Variants in PCDHGC3 observed in about 807,000 individuals in gnomAD.
PCDHGC3 encodes the protein protocadherin gamma-C3.
PCDHGC3 carries 26 observed loss-of-function variants against 59.2 expected under a neutral mutation model. That is an observed-to-expected ratio of 0.44 (90% CI 0.32 to 0.61). PCDHGC3 has a LOEUF of 0.61. Ranked by LOEUF, PCDHGC3 falls within the 20% of genes least tolerant of loss-of-function variation. The pLI is 0.05. For missense variants in PCDHGC3, 1,080 were observed against 1,221.8 expected, an observed-to-expected ratio of 0.88 and a Z score of 1.73; for synonymous variants, 487 against 519.7, an observed-to-expected ratio of 0.94 and a Z score of 0.86.
rs770468191 is a variant in PCDHGC3, at chr5:141,478,296, A to G, written c.2180A>G (p.Tyr727Cys). Residue 727 changes from tyrosine to cysteine, a missense_variant, in exon 1 of 4, where the codon TAC becomes TGC. By Grantham distance (194) the Tyr-to-Cys change is radical. Coordinates refer to ENST00000308177, the MANE Select transcript of PCDHGC3 (RefSeq NM_002588.4). ...VYKWKQSRDLYRAPVSSLYRT... is the reference protein window; with the variant it reads ...VYKWKQSRDLCRAPVSSLYRT... ...AAGTGGAAGCAGTCTAGAGACCTAT[A>G]CCGAGCCCCGGTGAGCTCACTGTAC... is the stretch of plus-strand genomic sequence containing the variant. The G allele has an allele frequency of 9.3e-6, 15 of 1,613,962 alleles. No individual in the cohort carries two copies. Among genetic ancestry groups the G allele is most frequent in the African/African-American group, 6.7e-5 (5 of 74,930 alleles).
Position 141,476,292 on chromosome 5 carries a change from G to A in PCDHGC3, c.176G>A (p.Gly59Asp). The A allele has an allele frequency of 1.9e-6, 3 of 1,614,144 alleles. No homozygotes were observed. The highest frequency in any genetic ancestry group is 2.5e-6 in the Non-Finnish European group (3 of 1,180,016). Residue 59 changes from glycine (G) to aspartate (D), a missense_variant, in exon 1 of 4, where the codon GGT (glycine) becomes GAT (aspartate). Gly to Asp is a moderately conservative substitution (Grantham distance 94, BLOSUM62 -1). Transcript: ENST00000308177. This position sits in a 1 kb window ranked among gnomAD's most constrained non-coding sequence, Gnocchi z 7.6. ...NVVANLGLDL[G>D]SLSARRFRVV... ...GTCGCGAACCTTGGTTTGGATCTCGGTAGCCTCTCAGCCCGCAGGTTCCGG... is the reference window on the plus strand; with the variant it reads ...GTCGCGAACCTTGGTTTGGATCTCGATAGCCTCTCAGCCCGCAGGTTCCGG...
At chr5:141,481,193 A>AT (rs1437708630) in intron 1 of PCDHGC3, among the ~76,000 whole-genome samples, 4 of 152,216 alleles carry the variant, frequency 2.6e-5, no homozygotes, top group African/African-American at 7.2e-5. Context: ...GCCAGGCCCA[A>AT]TTTTTTTAAA....
intron 2 of PCDHGC3, among the ~76,000 whole-genome samples, chr5:141,495,250 A>G (rs557893500): frequency 6.6e-6 from 1 of 152,188 alleles, no homozygotes; most frequent in Non-Finnish European, 1.5e-5. Context: ...CCTGGGGCTC[A>G]GGCAGAAAAG....
rs532675537 is a variant in PCDHGC3, at chr5:141,508,584, T to C, written c.2579-2363T>C. Among the ~76,000 whole-genome samples, 87 of 152,266 alleles carry C rather than the reference T, an allele frequency of 5.7e-4. 1 individual carries two copies. Among genetic ancestry groups the C allele is most frequent in the African/African-American group, 1.6e-3 (66 of 41,552 alleles). On this transcript the variant is annotated intron_variant, in intron 3 of 3. Coordinates refer to ENST00000308177, the MANE Select transcript of PCDHGC3 (RefSeq NM_002588.4). The stretch of plus-strand genomic sequence containing the variant: ...TGTCACTTGCACCCACTCGGGGTGC[T>C]ACTCAGAGATCTTGGGTGCACATAG...
intron 2 of PCDHGC3, among the ~76,000 whole-genome samples, chr5:141,500,815 A>G (rs2099802742): frequency 6.6e-6 from 1 of 152,196 alleles, no homozygotes; most frequent in African/African-American, 2.4e-5. Context: ...ATGAATATAC[A>G]TATTATTTTT....
At chr5:141,506,188 C>T (rs925159785) in intron 3 of PCDHGC3, among the ~76,000 whole-genome samples, 2 of 152,058 alleles carry the variant, frequency 1.3e-5, no homozygotes, top group African/African-American at 4.8e-5. Flanking sequence ...TGGTGGCTCA[C>T]GCCTGTAATC....
rs994726301 is a variant in PCDHGC3, at chr5:141,476,632, T to C, written c.516T>C (p.Tyr172=). ...TGGGAAGCAACTCTTTACAAACCTA[T>C]GAGCTGAGCCGAAATGAATACTTTG... The part of the protein sequence containing the change: ...PDVGSNSLQT[Y]ELSRNEYFAL... Residue 172 remains tyrosine, a synonymous_variant, in exon 1 of 4, where the codon TAT becomes TAC. Transcript: ENST00000308177. The surrounding 1 kb of genome is among the most constrained non-coding windows in gnomAD (Gnocchi z 7.6). The C allele has an allele frequency of 8.7e-6, 14 of 1,614,098 alleles. No homozygotes were observed. Among genetic ancestry groups the C allele is most frequent in the Admixed American group, 1.7e-5 (1 of 60,016 alleles).
In PCDHGC3 at chr5:141,478,434, T is replaced by C. The variant is rs747890986; in HGVS notation, c.2318T>C (p.Leu773Pro). 1.2e-6 allele frequency: 2 copies of C among 1,613,700 alleles called. No homozygotes were observed. The highest frequency in any genetic ancestry group is 2.2e-5 in the East Asian group (1 of 44,880). The change falls in exon 1 of 4, where the codon CTG (leucine) becomes CCG (proline). Residue 773 changes from leucine to proline, a missense_variant. Transcript: ENST00000308177. The part of the protein sequence containing the change: ...TTDSRRSDPL[L>P]KKPGAASPLA... ...GACTCCCGCCGCAGCGACCCGCTGC[T>C]GAAGAAACCTGGTGCAGCCAGTCCA...
chr5:141,492,285 A>T (rs2099739112), intron 1 of PCDHGC3, among the ~76,000 whole-genome samples: 1 of 152,132 alleles, frequency 6.6e-6, no homozygotes, highest in African/African-American at 2.4e-5. Flanking sequence ...CGCCCCGCCA[A>T]CACGTGCGCG....
In PCDHGC3 at chr5:141,477,868, C is replaced by A; in HGVS notation, c.1752C>A (p.Thr584=). The A allele has an allele frequency of 6.2e-7, 1 of 1,613,750 alleles. No homozygotes were observed. Among genetic ancestry groups the A allele is most frequent in the Non-Finnish European group, 8.5e-7 (1 of 1,179,908 alleles). ...GSSVEMLPRG[T]SAGHLVSRVV... ...CGGTGGAGATGCTGCCTCGAGGTAC[C>A]TCAGCTGGCCACCTAGTGTCACGGG... The change falls in exon 1 of 4, where the codon ACC becomes ACA. Residue 584 remains threonine, a synonymous_variant. Coordinates refer to ENST00000308177, the MANE Select transcript of PCDHGC3 (RefSeq NM_002588.4). The surrounding 1 kb of genome is among the most constrained non-coding windows in gnomAD (Gnocchi z 4.9).
intron 1 of PCDHGC3, among the ~76,000 whole-genome samples, chr5:141,482,605 C>T (rs2099569133): frequency 6.7e-6 from 1 of 150,032 alleles, no homozygotes; most frequent in Admixed American, 6.6e-5. Flanking sequence ...GAAAAAACAC[C>T]TAAATGAGCC....
intron 1 of PCDHGC3, among the ~76,000 whole-genome samples, chr5:141,482,188 G>C (rs1178289472): frequency 2.6e-5 from 4 of 152,122 alleles, no homozygotes; most frequent in African/African-American, 9.7e-5. Context: ...CGATGCTCCA[G>C]TTCTAGTAAA....
Position 141,487,007 on chromosome 5 carries a change from G to C in PCDHGC3, c.2431-7800G>C, listed in dbSNP as rs563548715. On this transcript the variant is annotated intron_variant, in intron 1 of 3. Transcript: ENST00000308177. This position sits in a 1 kb window ranked among gnomAD's most constrained non-coding sequence, Gnocchi z 5.0. ...TGCTTGGGTTTCCTATCAGCTCCTG[G>C]AGGCCCCAGATCCCAGCCTGTTTGC... The C allele has an allele frequency of 6.2e-7, 1 of 1,614,206 alleles. No individual in the cohort carries two copies. Among genetic ancestry groups the C allele is most frequent in the Non-Finnish European group, 8.5e-7 (1 of 1,180,042 alleles).
chr5:141,489,900 A>G lies in PCDHGC3; in HGVS notation c.2431-4907A>G, dbSNP rs963522810. The stretch of plus-strand genomic sequence containing the variant: ...TTACTGCTGTGGATGGGGGGACCCC[A>G]GCCCGCTCAGGGACCACCCTTATCT... On this transcript the variant is annotated intron_variant, in intron 1 of 3. Transcript: ENST00000308177. The surrounding 1 kb of genome is among the most constrained non-coding windows in gnomAD (Gnocchi z 4.5). The G allele has an allele frequency of 1.9e-6, 3 of 1,614,254 alleles. No homozygotes were observed. The highest frequency in any genetic ancestry group is 1.7e-5 in the Admixed American group (1 of 60,026).
chr5:141,477,482 C>T lies in PCDHGC3; in HGVS notation c.1366C>T (p.Gln456Ter), dbSNP rs1168724444. The T allele has an allele frequency of 6.2e-7, 1 of 1,614,118 alleles. No individual in the cohort carries two copies. Among genetic ancestry groups the T allele is most frequent in the Non-Finnish European group, 8.5e-7 (1 of 1,180,016 alleles). ...GTCCGACATCAATGACAACCCTCCA[C>T]AATCTTCTCAATCTTCCTACGACGT... is the stretch of plus-strand genomic sequence containing the variant. ...QVSDINDNPP[Q>*]SSQSSYDVYI... Residue 456 changes from glutamine to a stop codon, truncating the protein, a stop_gained, in exon 1 of 4, where the codon CAA (glutamine) becomes TAA (stop). Coordinates refer to ENST00000308177, the MANE Select transcript of PCDHGC3 (RefSeq NM_002588.4). LOFTEE classifies it high-confidence loss of function. This position sits in a 1 kb window ranked among gnomAD's most constrained non-coding sequence, Gnocchi z 4.9.
chr5:141,487,596 A>T lies in PCDHGC3; in HGVS notation c.2431-7211A>T. The stretch of plus-strand genomic sequence containing the variant: ...GTTCGCCCAAGCTGCCCACCCTCTG[A>T]TCTTCTCTATGGGCTAGAGGTGAGA... On this transcript the variant is annotated intron_variant, in intron 1 of 3. Transcript: ENST00000308177. The surrounding 1 kb of genome is among the most constrained non-coding windows in gnomAD (Gnocchi z 5.0). The T allele has an allele frequency of 1.2e-6, 2 of 1,614,108 alleles. No individual in the cohort carries two copies. Among genetic ancestry groups the T allele is most frequent in the Non-Finnish European group, 8.5e-7 (1 of 1,180,024 alleles).
intron 1 of PCDHGC3, among the ~76,000 whole-genome samples, chr5:141,481,400 T>C (rs2154578591): frequency 6.6e-6 from 1 of 152,358 alleles, no homozygotes; most frequent in East Asian, 1.9e-4. Context: ...GTGACAAAAT[T>C]CTTGTATAAT....
intron 3 of PCDHGC3, among the ~76,000 whole-genome samples, chr5:141,509,532 A>C (rs2099877210): frequency 6.6e-6 from 1 of 152,124 alleles, no homozygotes; most frequent in African/African-American, 2.4e-5. Flanking sequence ...GCACAGGATG[A>C]AGCACCATCT....
Position 141,489,072 on chromosome 5 carries a change from AC to A in PCDHGC3, c.2431-5730del. The A allele has an allele frequency of 6.3e-6, 1 of 157,708 alleles. No individual in the cohort carries two copies. The highest frequency in any genetic ancestry group is 1.2e-5 in the Non-Finnish European group (1 of 83,994). The allele number at this position is 157,708 out of a possible 1,614,324, so 9.8% of individuals were successfully genotyped here. On this transcript the variant is annotated intron_variant, in intron 1 of 3. Coordinates refer to ENST00000308177, the MANE Select transcript of PCDHGC3 (RefSeq NM_002588.4). This position sits in a 1 kb window ranked among gnomAD's most constrained non-coding sequence, Gnocchi z 4.5. ...AATTCAGCTCCCCTCCCCCCTGCCC[AC>A]CCCCGCCACTCGGTGACTAAGAACT...
Sources: gnomAD v4.1 joint callset for allele counts (sites outside exome capture counted in the v4.1 genomes callset) on GRCh38, gnomAD v4.1.1 for gene constraint, Gnocchi (gnomAD v3.1) non-coding constraint, MANE v1.5 for transcripts, NCBI Gene and HGNC (gene_info 2026-07-23, HGNC 2026-07-21) for gene names.